The following FAM120A variants were observed in gnomAD, a reference collection of about 807,000 sequenced individuals.
FAM120A encodes the protein constitutive coactivator of PPAR-gamma-like protein 1.
Under a neutral mutation model 109.7 loss-of-function variants are expected in FAM120A, and 15 were observed. The ratio of observed to expected loss-of-function variants is 0.14; its 90% CI spans 0.09 to 0.21. FAM120A has a LOEUF of 0.21. Ranked by LOEUF, FAM120A falls within the 10% of genes least tolerant of loss-of-function variation. FAM120A has a pLI of 1.00. For missense variants in FAM120A, 899 were observed against 1,439.3 expected (o/e 0.62, Z 6.07); for synonymous variants, 493 against 572.8 (o/e 0.86, Z 1.99).
chr9:93,488,247 G>A (rs1390396220), intron 3 of FAM120A, among the ~76,000 whole-genome samples: 1 of 152,148 alleles, frequency 6.6e-6, no homozygotes, highest in East Asian at 1.9e-4. Context: ...TCCAATGGTA[G>A]CTCCTGTCAC....
chr9:93,512,931 T>G (rs1860397019), intron 5 of FAM120A, among the ~76,000 whole-genome samples: 1 of 152,240 alleles, frequency 6.6e-6, no homozygotes, highest in South Asian at 2.1e-4. Flanking sequence ...TATGCTGTAA[T>G]GTAGTTTGTT....
At chr9:93,512,956 G>A (rs1860399284) in intron 5 of FAM120A, among the ~76,000 whole-genome samples, 1 of 152,160 alleles carries the variant, frequency 6.6e-6, no homozygotes, top group Non-Finnish European at 1.5e-5. Flanking sequence ...TGCTTTAAAG[G>A]AAAGTTTGTG....
Position 93,452,240 on chromosome 9 carries a change from G to A in FAM120A, c.325G>A (p.Val109Ile). The A allele has an allele frequency of 6.2e-7, 1 of 1,611,526 alleles. No homozygotes were observed. The highest frequency in any genetic ancestry group is 8.5e-7 in the Non-Finnish European group (1 of 1,179,520). Residue 109 changes from valine to isoleucine, a missense_variant, in exon 1 of 18, where the codon GTC becomes ATC. By Grantham distance (29) the Val-to-Ile change is conservative. Coordinates refer to ENST00000277165, the MANE Select transcript of FAM120A (RefSeq NM_014612.5). This position sits in a 1 kb window ranked among gnomAD's most constrained non-coding sequence, Gnocchi z 7.0. ...CGAGAAGGCCCGGCTGCACGAGTGG[G>A]TCAAGCGGCAGGGCAACGAGCGCCA... ...ALEKARLHEWVKRQGNERQTA... is the reference protein window; with the variant it reads ...ALEKARLHEWIKRQGNERQTA...
intron 3 of FAM120A, among the ~76,000 whole-genome samples, chr9:93,490,697 C>T (rs530947349): frequency 6.6e-6 from 1 of 152,262 alleles, no homozygotes; most frequent in African/African-American, 2.4e-5. Context: ...GCTTCTTTAG[C>T]AGGGGCTAAA....
intron 7 of FAM120A, among the ~76,000 whole-genome samples, chr9:93,519,705 A>G: frequency 6.6e-6 from 1 of 152,150 alleles, no homozygotes; most frequent in Non-Finnish European, 1.5e-5. Flanking sequence ...AGGAAGGAAT[A>G]ATGTGGGACA....
At chr9:93,535,738 A>C (rs1861491564) in intron 10 of FAM120A, among the ~76,000 whole-genome samples, 1 of 152,224 alleles carries the variant, frequency 6.6e-6, no homozygotes, top group Non-Finnish European at 1.5e-5. Context: ...ATCCATGATT[A>C]TCACTGTAAT....
At position 93,451,889 on chromosome 9, in the gene FAM120A, A is replaced by T. The variant is rs1400688019; in HGVS notation, c.-27A>T. ...CCCGGCCCCGCCGCCCCCCGCCCGC[A>T]CCCGCGCCCGCGCCCCCGCCGCCGC... On this transcript the variant is annotated 5_prime_UTR_variant, in exon 1 of 18. Transcript: ENST00000277165. 7.1e-6 allele frequency: 8 copies of T among 1,129,456 alleles called. No homozygotes were observed. Among genetic ancestry groups the T allele is most frequent in the Non-Finnish European group, 7.6e-6 (7 of 916,490 alleles). The allele number at this position is 1,129,456 out of a possible 1,614,324, so 70.0% of individuals were successfully genotyped here.
chr9:93,511,242 C>T (rs1384262686), intron 5 of FAM120A, among the ~76,000 whole-genome samples: 4 of 152,208 alleles, frequency 2.6e-5, no homozygotes, highest in African/African-American at 9.7e-5. Flanking sequence ...GATCATGCCT[C>T]AGGTTTTGCC....
chr9:93,545,282 C>T (rs1206864764), intron 11 of FAM120A, among the ~76,000 whole-genome samples: 2 of 152,122 alleles, frequency 1.3e-5, no homozygotes, highest in African/African-American at 4.8e-5. Flanking sequence ...ATGAGGGATC[C>T]ACCCCAACAT....
At chr9:93,543,618 T>G in intron 11 of FAM120A, 147 bp downstream of exon 11, 1 of 1,060,502 alleles carries the variant, frequency 9.4e-7, no homozygotes, top group Non-Finnish European at 1.3e-6. Flanking sequence ...TTTATATATG[T>G]GATAGAAATG....
intron 3 of FAM120A, among the ~76,000 whole-genome samples, chr9:93,482,135 C>T (rs1011996172): frequency 5.3e-5 from 8 of 151,498 alleles, no homozygotes; most frequent in Admixed American, 1.3e-4. Context: ...ACCCGTATAC[C>T]GGGGGCAATC....
chr9:93,517,381 AT>A (rs1420693232), intron 7 of FAM120A, among the ~76,000 whole-genome samples: 6 of 152,228 alleles, frequency 3.9e-5, no homozygotes, highest in Non-Finnish European at 8.8e-5. Context: ...AAGATAATAT[AT>A]TGAGTACCCA....
chr9:93,545,660 A>G (rs1861852187), intron 11 of FAM120A, among the ~76,000 whole-genome samples: 1 of 152,096 alleles, frequency 6.6e-6, no homozygotes, highest in Non-Finnish European at 1.5e-5. Flanking sequence ...TCTTAAATTT[A>G]TAACAAATGT....
At chr9:93,524,671 A>G (rs748490829) in intron 7 of FAM120A, among the ~76,000 whole-genome samples, 10 of 152,220 alleles carry the variant, frequency 6.6e-5, no homozygotes, top group Non-Finnish European at 7.3e-5. Context: ...GCAGGTGCCA[A>G]TAGTTTGAAA....
At chr9:93,485,295 G>C (rs529388104) in intron 3 of FAM120A, among the ~76,000 whole-genome samples, 1 of 152,068 alleles carries the variant, frequency 6.6e-6, no homozygotes, top group South Asian at 2.1e-4. Flanking sequence ...GACATTCTTG[G>C]TCAGAAACAG....
intron 1 of FAM120A, 137 bp from the exon 2 acceptor site, chr9:93,471,004 A>G (rs1268912482): frequency 4.8e-6 from 5 of 1,044,030 alleles, no homozygotes; most frequent in East Asian, 2.4e-5. Context: ...TTATTATGGC[A>G]TTTTTTTGAC....
rs185036595 is a variant in FAM120A at position 93,543,200 on chromosome 9, C to T, written c.1910-22C>T. ...GGTGAATGATGCATGAATGTGTCTT[C>T]TCTGGCTTTTTTTTCCTGTAGTTTC... is the stretch of plus-strand genomic sequence containing the variant. On this transcript the variant is annotated intron_variant, in intron 10 of 17. Transcript: ENST00000277165. 2,210 of 1,609,782 alleles carry T rather than the reference C, an allele frequency of 1.4e-3. 5 individuals carry two copies. The highest frequency in any genetic ancestry group is 3.0e-3 in the Middle Eastern group (18 of 6,038).
chr9:93,479,649 C>T (rs959951622), intron 3 of FAM120A, among the ~76,000 whole-genome samples: 1 of 152,146 alleles, frequency 6.6e-6, no homozygotes, highest in Admixed American at 6.5e-5. Flanking sequence ...AGGAAGTCAT[C>T]AGTAGTCGAT....
intron 3 of FAM120A, among the ~76,000 whole-genome samples, chr9:93,479,138 G>A (rs1401280071): frequency 3.5e-5 from 4 of 114,900 alleles, no homozygotes; most frequent in Admixed American, 1.2e-4. Flanking sequence ...TCGCTCTGTC[G>A]CCCAGGCTGG....
Sources: gnomAD v4.1 joint callset for allele counts (sites outside exome capture counted in the v4.1 genomes callset) on GRCh38, gnomAD v4.1.1 for gene constraint, Gnocchi (gnomAD v3.1) non-coding constraint, MANE v1.5 for transcripts, NCBI Gene and HGNC (gene_info 2026-07-23, HGNC 2026-07-21) for gene names.